The following PRRC2B variants were observed in gnomAD, a reference collection of about 807,000 sequenced individuals.
The protein encoded by PRRC2B is protein PRRC2B.
Under a neutral mutation model 242.3 loss-of-function variants are expected in PRRC2B, and 68 were observed. That is an observed-to-expected ratio of 0.28 (90% CI 0.23 to 0.34). The LOEUF is 0.34. Among genes scored for constraint, PRRC2B ranks in the 10% least tolerant of loss-of-function variants. PRRC2B has a pLI of 1.00. For missense variants in PRRC2B, 2,835 were observed against 2,954.8 expected (o/e 0.96, Z 0.94); for synonymous variants, 1,228 against 1,173.6 (o/e 1.05, Z -0.95).
At chr9:131,476,607 CATGCCG>C (rs1181303521) in intron 16 of PRRC2B, 72 bp downstream of exon 16, 2 of 1,378,876 alleles carry the variant, frequency 1.5e-6, no homozygotes, top group African/African-American at 1.4e-5. Flanking sequence ...TTCACGCATG[CATGCCG>C]ATGCCGCCGT....
chr9:131,390,210 G>C (rs55672602), upstream of PRRC2B, among the ~76,000 whole-genome samples: 17,139 of 149,280 alleles, frequency 0.11, 1,742 homozygotes, highest in African/African-American at 0.19. Context: ...ACTGCGTCTG[G>C]CCTGTGTTTG....
intron 16 of PRRC2B, among the ~76,000 whole-genome samples, 177 bp downstream of exon 16, chr9:131,476,712 T>C (rs972068509): frequency 1.3e-5 from 2 of 151,940 alleles, no homozygotes. Flanking sequence ...CGTGGTGGTG[T>C]TATTGTGGCT....
intron 2 of PRRC2B, among the ~76,000 whole-genome samples, chr9:131,431,598 T>A (rs1366150841): frequency 6.8e-6 from 1 of 148,024 alleles, no homozygotes; most frequent in Non-Finnish European, 1.5e-5. Flanking sequence ...TTTTTTTTTT[T>A]TTGAGACGGA....
intron 28 of PRRC2B, among the ~76,000 whole-genome samples, chr9:131,489,834 C>T (rs1224006903): frequency 1.3e-5 from 2 of 152,090 alleles, no homozygotes; most frequent in Non-Finnish European, 2.9e-5. Context: ...GCAGTGCTGA[C>T]CCCGTAATCC....
chr9:131,410,198 CAG>C (rs1564276090), intron 1 of PRRC2B, among the ~76,000 whole-genome samples: 1 of 152,236 alleles, frequency 6.6e-6, no homozygotes, highest in African/African-American at 2.4e-5. Flanking sequence ...GCTTTCCAGC[CAG>C]AGTCCTCTTC....
chr9:131,495,772 G>C lies in PRRC2B; in HGVS notation c.6588G>C (p.Leu2196=). ...AKQRVDEKPS[L]GAVKLQEAPS... is the part of the protein sequence containing the mutation. ...AACGAGTGGATGAGAAACCCAGCCT[G>C]GGAGCCGTGAAGCTGCAGGAGGCCC... The change falls in exon 32 of 32, where the codon CTG becomes CTC. Residue 2196 remains leucine (L), a synonymous_variant. Coordinates refer to ENST00000683519, the MANE Select transcript of PRRC2B (RefSeq NM_013318.4). 6.2e-6 allele frequency: 10 copies of C among 1,612,776 alleles called. No homozygotes were observed. Among genetic ancestry groups the C allele is most frequent in the Non-Finnish European group, 8.5e-6 (10 of 1,178,866 alleles).
At chr9:131,423,522 A>T (rs528968565) in intron 1 of PRRC2B, among the ~76,000 whole-genome samples, 5 of 152,278 alleles carry the variant, frequency 3.3e-5, no homozygotes, top group African/African-American at 1.2e-4. Flanking sequence ...CCAGCCTCGC[A>T]CTCAGCCGGT....
chr9:131,377,974 T>C (rs1396346184), intron 1 of PRRC2B, among the ~76,000 whole-genome samples: 1 of 152,134 alleles, frequency 6.6e-6, no homozygotes, highest in African/African-American at 2.4e-5. Context: ...CAGGCTAATC[T>C]TGAACCCCTG....
chr9:131,382,321 T>C (rs1836772165), intron 1 of PRRC2B, among the ~76,000 whole-genome samples: 1 of 151,716 alleles, frequency 6.6e-6, no homozygotes, highest in African/African-American at 2.4e-5. Flanking sequence ...TGGACCAGAG[T>C]TTCCAAGTTG....
intron 10 of PRRC2B, 61 bp from the exon 11 acceptor site, chr9:131,459,103 G>C: frequency 6.7e-7 from 1 of 1,489,062 alleles, no homozygotes; most frequent in Non-Finnish European, 9.3e-7. Flanking sequence ...CCTCTGACCA[G>C]TGAGATCAGA....
chr9:131,486,229 G>A (rs1944020795), intron 26 of PRRC2B, 47 bp downstream of exon 26: 1 of 1,278,810 alleles, frequency 7.8e-7, no homozygotes, highest in African/African-American at 1.5e-5. Flanking sequence ...GTGGGGAGGA[G>A]CCAGTGCAGG....
rs146063919 is a variant in PRRC2B at position 131,386,174 on chromosome 9, G to A, written c.-56+12443G>A. ...GTTGCCCAGGCTGGAGTGCAGTGGC[G>A]TGAACATGTCTCACTGCAGCCTCGA... On this transcript the variant is annotated intron_variant, in intron 1 of 1. Transcript: ENST00000682525. 9.0e-3 allele frequency among the ~76,000 whole-genome samples: 1,348 copies of A among 149,864 alleles called. 81 individuals are homozygous for A. The highest frequency in any genetic ancestry group is 0.014 in the Non-Finnish European group (957 of 67,362).
chr9:131,436,612 T>G lies in PRRC2B; in HGVS notation c.294-8T>G. ...GGTGCCTGACCCCACTGCCCTGCCTTTGTCTAGTTCCAGTGCGACGGCCTC... is the reference window on the plus strand; with the variant it reads ...GGTGCCTGACCCCACTGCCCTGCCTGTGTCTAGTTCCAGTGCGACGGCCTC... On this transcript the variant is annotated splice_region_variant and splice_polypyrimidine_tract_variant and intron_variant, in intron 3 of 31. Transcript: ENST00000683519. 3 of 1,611,862 alleles carry G rather than the reference T, an allele frequency of 1.9e-6. No individual in the cohort carries two copies. The highest frequency in any genetic ancestry group is 2.5e-6 in the Non-Finnish European group (3 of 1,178,656).
intron 14 of PRRC2B, among the ~76,000 whole-genome samples, chr9:131,473,124 T>A (rs1160932995): frequency 1.3e-5 from 2 of 152,184 alleles, no homozygotes; most frequent in African/African-American, 4.8e-5. Context: ...GTAAAGCGCA[T>A]GTGTCTATCT....
At chr9:131,488,330 C>T (rs938576840) in intron 28 of PRRC2B, among the ~76,000 whole-genome samples, 1 of 149,992 alleles carries the variant, frequency 6.7e-6, no homozygotes, top group Admixed American at 6.7e-5. Flanking sequence ...GTGGCATGAT[C>T]TCGGCTCACT....
chr9:131,412,194 AC>A (rs2131298201), intron 1 of PRRC2B, among the ~76,000 whole-genome samples: 1 of 152,224 alleles, frequency 6.6e-6, no homozygotes, highest in South Asian at 2.1e-4. Context: ...GGCTTGATCT[AC>A]CAAGGTGGAC....
At chr9:131,450,756 T>C (rs1202689830) in intron 9 of PRRC2B, among the ~76,000 whole-genome samples, 2 of 151,822 alleles carry the variant, frequency 1.3e-5, no homozygotes, top group Non-Finnish European at 2.9e-5. Context: ...CCCTACTAAT[T>C]GTTGTATTTT....
chr9:131,420,453 TTTTCTTTC>T lies in PRRC2B; in HGVS notation c.-51-9605_-51-9598del, dbSNP rs148112779. Among the ~76,000 whole-genome samples, 159 of 61,038 alleles carry T rather than the reference TTTTCTTTC, an allele frequency of 2.6e-3. 5 individuals are homozygous for T. The highest frequency in any genetic ancestry group is 7.8e-3 in the African/African-American group (148 of 18,958). 40.0% of individuals were successfully genotyped at this position (61,038 alleles called of 152,430 possible). ...TTTTCTTTTTTCTTTTTCTTTTTCT[TTTTCTTTC>T]TTTCTTTCTTTCTTTCTTTCTTTCT... is the stretch of plus-strand genomic sequence containing the variant. On this transcript the variant is annotated intron_variant, in intron 1 of 31. Coordinates refer to ENST00000683519, the MANE Select transcript of PRRC2B (RefSeq NM_013318.4).
intron 12 of PRRC2B, among the ~76,000 whole-genome samples, chr9:131,465,614 G>C (rs1050179388): frequency 6.6e-6 from 1 of 152,168 alleles, no homozygotes; most frequent in Non-Finnish European, 1.5e-5. Flanking sequence ...TCAAAGACAC[G>C]TGTGCTCTAG....
Sources: gnomAD v4.1 joint callset for allele counts (sites outside exome capture counted in the v4.1 genomes callset) on GRCh38, gnomAD v4.1.1 for gene constraint, MANE v1.5 for transcripts, NCBI Gene and HGNC (gene_info 2026-07-23, HGNC 2026-07-21) for gene names.